PRKCH: variants seen among roughly 807,000 people sequenced by gnomAD.
PRKCH encodes the protein protein kinase C eta, also known as protein kinase C eta type.
Under a neutral mutation model 82.5 loss-of-function variants are expected in PRKCH, and 28 were observed. The ratio of observed to expected loss-of-function variants is 0.34; its 90% CI spans 0.25 to 0.47. The LOEUF is 0.47. Ranked by LOEUF, PRKCH falls within the 20% of genes least tolerant of loss-of-function variation. The pLI is 1.00. For missense variants in PRKCH, 705 were observed against 881.8 expected (o/e 0.80, Z 2.54); for synonymous variants, 322 against 327.4 (o/e 0.98, Z 0.18).
intron 11 of PRKCH, 44 bp downstream of exon 11, chr14:61,529,257 A>G (rs1594788629): frequency 1.3e-6 from 2 of 1,560,824 alleles, no homozygotes; most frequent in Non-Finnish European, 1.7e-6. Context: ...TGAGCTCTCC[A>G]GTAACTCTGA....
At chr14:61,373,259 A>C (rs1157226944) in intron 1 of PRKCH, among the ~76,000 whole-genome samples, 2 of 151,896 alleles carry the variant, frequency 1.3e-5, no homozygotes, top group African/African-American at 4.9e-5. Context: ...CAGAAGCATG[A>C]CTGGGAGGCC....
chr14:61,372,412 C>T (rs2046373896), intron 1 of PRKCH, among the ~76,000 whole-genome samples: 1 of 152,090 alleles, frequency 6.6e-6, no homozygotes, highest in Admixed American at 6.5e-5. Context: ...CTAATGTTTT[C>T]AACTCCGATA....
chr14:61,314,787 G>A (rs1488795974), intron 1 of PRKCH, among the ~76,000 whole-genome samples: 1 of 152,020 alleles, frequency 6.6e-6, no homozygotes, highest in Admixed American at 6.6e-5. Flanking sequence ...CTCTCATCAT[G>A]AGCTGTGCAT....
At position 61,263,201 on chromosome 14, in the gene PRKCH, A is replaced by T. The variant is rs900048025; in HGVS notation, c.-19+75533A>T. Among the ~76,000 whole-genome samples, 4 of 152,190 alleles carry T rather than the reference A, an allele frequency of 2.6e-5. 1 individual carries two copies. Among genetic ancestry groups the T allele is most frequent in the Non-Finnish European group, 5.9e-5 (4 of 68,034 alleles). ...TCCCTTATTCCCTCTCATTCAAAGC[A>T]GTCATCACCCTGGACCTTGTGTTTA... On this transcript the variant is annotated intron_variant, in intron 1 of 3. Transcript: ENST00000555185.
chr14:61,404,606 C>T (rs1409484530), intron 2 of PRKCH, among the ~76,000 whole-genome samples: 1 of 152,104 alleles, frequency 6.6e-6, no homozygotes, highest in Non-Finnish European at 1.5e-5. Flanking sequence ...TATGTGGAGA[C>T]ATAAACAATT....
chr14:61,308,336 CCTAA>C (rs2045497409), intron 1 of PRKCH, among the ~76,000 whole-genome samples: 1 of 152,194 alleles, frequency 6.6e-6, no homozygotes, highest in Admixed American at 6.5e-5. Flanking sequence ...AAAGTCATTT[CCTAA>C]CTAATGTTAA....
At chr14:61,220,805 GA>G (rs781510974) in intron 1 of PRKCH, among the ~76,000 whole-genome samples, 8 of 151,994 alleles carry the variant, frequency 5.3e-5, no homozygotes, top group Non-Finnish European at 1.0e-4. Context: ...GAAAGGAAAG[GA>G]TTAAAAGAAA....
chr14:61,201,163 C>A (rs1351541159), intron 1 of PRKCH, among the ~76,000 whole-genome samples: 1 of 152,182 alleles, frequency 6.6e-6, no homozygotes, highest in African/African-American at 2.4e-5. Context: ...TGGATTCATT[C>A]ACGTGACCTA....
At chr14:61,431,000 C>T (rs563960724) in intron 2 of PRKCH, among the ~76,000 whole-genome samples, 20 of 152,276 alleles carry the variant, frequency 1.3e-4, no homozygotes, top group South Asian at 8.3e-4. Flanking sequence ...GCGATCCGCC[C>T]GCCTCGGCCT....
intron 1 of PRKCH, among the ~76,000 whole-genome samples, chr14:61,337,204 T>C (rs1433134159): frequency 7.1e-6 from 1 of 139,950 alleles, no homozygotes; most frequent in Non-Finnish European, 1.5e-5. Flanking sequence ...AATGTAGTGG[T>C]GTGAACATGA....
At chr14:61,340,517 T>TC (rs1038528559) in intron 1 of PRKCH, among the ~76,000 whole-genome samples, 16 of 152,090 alleles carry the variant, frequency 1.1e-4, no homozygotes, top group African/African-American at 3.6e-4. Flanking sequence ...TCTCTTGTCT[T>TC]CCCCCCTGAG....
intron 11 of PRKCH, among the ~76,000 whole-genome samples, chr14:61,529,421 A>G (rs2043015384): frequency 6.6e-6 from 1 of 152,204 alleles, no homozygotes; most frequent in Admixed American, 6.5e-5. Context: ...TGAGTTAAAA[A>G]AGAAAATCAT....
chr14:61,542,187 G>C (rs2043195822), intron 12 of PRKCH, among the ~76,000 whole-genome samples: 1 of 152,080 alleles, frequency 6.6e-6, no homozygotes, highest in Admixed American at 6.5e-5. Flanking sequence ...CTACTCGGGA[G>C]GCTGAGGAAG....
chr14:61,390,835 C>T (rs767491055), intron 1 of PRKCH: 4 of 182,188 alleles, frequency 2.2e-5, no homozygotes, highest in Non-Finnish European at 4.5e-5. Context: ...GTGTTCATTA[C>T]CTTGTATGTT....
chr14:61,373,887 G>A lies in PRKCH; in HGVS notation c.364-17338G>A, dbSNP rs139051011. ...CAAAGTGCTGGGATTACAGGCATGA[G>A]CCACCATGCTTGGCCTGTCCACCAA... On this transcript the variant is annotated intron_variant, in intron 1 of 13. Coordinates refer to ENST00000332981, the MANE Select transcript of PRKCH (RefSeq NM_006255.5). 2.0e-3 allele frequency among the ~76,000 whole-genome samples: 306 copies of A among 152,240 alleles called. 5 individuals carry two copies. Among genetic ancestry groups the A allele is most frequent in the African/African-American group, 7.0e-3 (290 of 41,494 alleles).
chr14:61,193,015 G>GT (rs1355008423), intron 1 of PRKCH, among the ~76,000 whole-genome samples: 3 of 152,178 alleles, frequency 2.0e-5, no homozygotes, highest in African/African-American at 7.2e-5. Flanking sequence ...CACAGGTTAT[G>GT]TTTTTTCTGT....
chr14:61,217,231 A>C (rs2044622316), intron 1 of PRKCH, among the ~76,000 whole-genome samples: 1 of 152,086 alleles, frequency 6.6e-6, no homozygotes, highest in African/African-American at 2.4e-5. Flanking sequence ...ATCTCTAAAA[A>C]AGATTTTAAA....
At chr14:61,526,147 T>C (rs2042963474) in intron 10 of PRKCH, among the ~76,000 whole-genome samples, 1 of 152,202 alleles carries the variant, frequency 6.6e-6, no homozygotes, top group Admixed American at 6.5e-5. Context: ...TTAAACTGGC[T>C]GTGCTCATAT....
At chr14:61,282,274 T>C (rs2045277883) in intron 1 of PRKCH, among the ~76,000 whole-genome samples, 1 of 151,292 alleles carries the variant, frequency 6.6e-6, no homozygotes, top group Non-Finnish European at 1.5e-5. Flanking sequence ...TTCTGGCTTT[T>C]TTTTTTTTTT....
Sources: allele counts gnomAD v4.1 joint callset (sites outside exome capture counted in the v4.1 genomes callset), GRCh38; gene constraint gnomAD v4.1.1; transcripts MANE v1.5; gene names NCBI Gene and HGNC (gene_info 2026-07-23, HGNC 2026-07-21).